Variants in WWOX observed in about 807,000 individuals in gnomAD.
WWOX encodes the protein WW domain containing oxidoreductase.
Under a neutral mutation model 46.2 loss-of-function variants are expected in WWOX, and 69 were observed. The ratio of observed to expected loss-of-function variants is 1.49; its 90% CI spans 1.23 to 1.82. The LOEUF (loss-of-function observed/expected upper bound fraction) is 1.82, where lower values mean the gene tolerates loss of function less well. WWOX is among the 40% of genes most tolerant of loss of function. The pLI, the probability that WWOX is intolerant of heterozygous loss-of-function variation, is 0.00. For missense variants in WWOX, 919 were observed against 542.6 expected, an observed-to-expected ratio of 1.69 and a Z score of -6.89; for synonymous variants, 359 against 202.6, an observed-to-expected ratio of 1.77 and a Z score of -6.56.
intron 8 of WWOX, among the ~76,000 whole-genome samples, chr16:79,049,308 T>G (rs1331688782): frequency 6.6e-6 from 1 of 152,152 alleles, no homozygotes; most frequent in Non-Finnish European, 1.5e-5. Flanking sequence ...AGCATAATAG[T>G]GCAAGCAGCA....
intron 8 of WWOX, among the ~76,000 whole-genome samples, chr16:79,153,824 T>C (rs554724815): frequency 6.6e-6 from 1 of 152,252 alleles, no homozygotes; most frequent in African/African-American, 2.4e-5. Context: ...TAGGGACATC[T>C]CTTCAAATAA....
chr16:78,739,760 G>A (rs561884669), intron 8 of WWOX, among the ~76,000 whole-genome samples: 95 of 152,230 alleles, frequency 6.2e-4, no homozygotes, highest in Middle Eastern at 6.8e-3. Context: ...GCAGTGAGCC[G>A]AGATCGTACC....
At chr16:78,267,053 A>C (rs778567683) in intron 5 of WWOX, 1 of 162,012 alleles carries the variant, frequency 6.2e-6, no homozygotes, top group Non-Finnish European at 1.3e-5. Flanking sequence ...CTTCTTCCTC[A>C]TTTTCTCTTG....
chr16:78,409,213 T>G (rs1259379836), intron 6 of WWOX, among the ~76,000 whole-genome samples: 1 of 152,154 alleles, frequency 6.6e-6, no homozygotes, highest in East Asian at 1.9e-4. Context: ...AATTTTTTTT[T>G]GTAATGAATT....
chr16:78,484,718 C>G (rs1305149562), intron 8 of WWOX, among the ~76,000 whole-genome samples: 2 of 152,070 alleles, frequency 1.3e-5, no homozygotes, highest in Non-Finnish European at 2.9e-5. Context: ...TAAAATAATT[C>G]TCTCTCCCAA....
intron 8 of WWOX, among the ~76,000 whole-genome samples, chr16:78,766,518 G>A (rs1555531509): frequency 6.6e-6 from 1 of 152,202 alleles, no homozygotes; most frequent in Non-Finnish European, 1.5e-5. Context: ...AGCTCAGGAG[G>A]TGGAGGCTGA....
At chr16:78,899,719 T>C (rs1224111618) in intron 8 of WWOX, 1 of 152,210 alleles carries the variant, frequency 6.6e-6, no homozygotes, top group East Asian at 1.9e-4. Flanking sequence ...CACTTTTTAG[T>C]TTTAAAAGTT....
At chr16:79,142,402 G>C (rs1202519589) in intron 8 of WWOX, among the ~76,000 whole-genome samples, 3 of 152,190 alleles carry the variant, frequency 2.0e-5, no homozygotes, top group African/African-American at 7.2e-5. Flanking sequence ...ACATCATGTT[G>C]ATAGCTTGAT....
chr16:78,509,747 A>G lies in WWOX; in HGVS notation c.1056+76995A>G, dbSNP rs141366141. ...CTTAGAAAGTGATTGCAATGTTAAT[A>G]ATGCAGATTAAATTGAAGCGTACAG... On this transcript the variant is annotated intron_variant, in intron 8 of 8. Transcript: ENST00000566780. Among the ~76,000 whole-genome samples the G allele has an allele frequency of 4.6e-5, 7 of 152,248 alleles. No homozygotes were observed. In the East Asian group the frequency reaches 1.4e-3, roughly 29 times the overall value.
chr16:78,198,035 C>T (rs1168920826), intron 5 of WWOX, among the ~76,000 whole-genome samples: 2 of 152,048 alleles, frequency 1.3e-5, no homozygotes, highest in East Asian at 3.9e-4. Flanking sequence ...ACTCCTCTTC[C>T]CTAAAACTGT....
At chr16:79,092,744 G>C (rs1273070656) in intron 8 of WWOX, among the ~76,000 whole-genome samples, 3 of 152,056 alleles carry the variant, frequency 2.0e-5, no homozygotes, top group Admixed American at 6.5e-5. Flanking sequence ...AGGGTTTTTG[G>C]AGATCTCTCT....
chr16:78,655,949 A>G (rs565737499), intron 8 of WWOX, among the ~76,000 whole-genome samples: 48 of 152,218 alleles, frequency 3.2e-4, no homozygotes, highest in African/African-American at 1.0e-3. Context: ...TCCACAATGC[A>G]CAGCCTGGGG....
chr16:79,103,525 T>A (rs895281282), intron 8 of WWOX, among the ~76,000 whole-genome samples: 1 of 152,152 alleles, frequency 6.6e-6, no homozygotes, highest in Non-Finnish European at 1.5e-5. Flanking sequence ...GAACACCCGT[T>A]TCATTATGGA....
rs1555569185 is a variant in WWOX, at chr16:78,922,991, T to TC, written c.1057-288617_1057-288616insC. On this transcript the variant is annotated intron_variant, in intron 8 of 8. Transcript: ENST00000566780. ...CATAATTCTTTCTCTTTTCTTTTTT[T>TC]TTTTTTTGAGACAGAGTTTTGCTCT... is the stretch of plus-strand genomic sequence containing the variant. 2.7e-4 allele frequency among the ~76,000 whole-genome samples: 38 copies of TC among 142,624 alleles called. 2 individuals are homozygous for TC. The highest frequency in any genetic ancestry group is 1.3e-3 in the Admixed American group (18 of 14,034). The allele number at this position is 142,624 out of a possible 152,430, so 93.6% of individuals were successfully genotyped here. A position where few individuals can be genotyped will look rare whatever the true frequency, so the allele number is the denominator to read the frequency against.
At chr16:78,887,473 AC>A (rs2044490690) in intron 8 of WWOX, among the ~76,000 whole-genome samples, 2 of 3,080 alleles carry the variant, frequency 6.5e-4, no homozygotes, top group Non-Finnish European at 6.1e-3. Context: ...TATAAAACAC[AC>A]ACACACACAC....
At chr16:78,114,147 G>C (rs2032649934) in intron 3 of WWOX, among the ~76,000 whole-genome samples, 2 of 146,142 alleles carry the variant, frequency 1.4e-5, no homozygotes. Flanking sequence ...ACCCAGGCTA[G>C]AGTGCAGTGG....
chr16:79,021,206 G>T (rs537882990), intron 8 of WWOX, among the ~76,000 whole-genome samples: 5 of 152,156 alleles, frequency 3.3e-5, no homozygotes, highest in African/African-American at 7.2e-5. Flanking sequence ...TCTACATGCA[G>T]TAAAATAGTT....
intron 8 of WWOX, among the ~76,000 whole-genome samples, chr16:78,680,774 C>G (rs1239999723): frequency 1.3e-5 from 2 of 152,152 alleles, no homozygotes. Context: ...GTATGGAGCA[C>G]TTAGCCCAGT....
intron 8 of WWOX, among the ~76,000 whole-genome samples, chr16:79,133,013 C>G (rs76566891): frequency 6.6e-6 from 1 of 152,160 alleles, no homozygotes; most frequent in African/African-American, 2.4e-5. Context: ...GCACACAGCT[C>G]TGTGAGATTT....
Sources: allele counts gnomAD v4.1 joint callset (sites outside exome capture counted in the v4.1 genomes callset), GRCh38; gene constraint gnomAD v4.1.1; transcripts MANE v1.5; gene names NCBI Gene and HGNC (gene_info 2026-07-23, HGNC 2026-07-21).